The following RBM4 variants were observed in gnomAD, a reference collection of about 807,000 sequenced individuals.
RBM4 encodes the protein RNA-binding protein 4.
In RBM4, 7 loss-of-function variants were observed where a neutral mutation model predicts 29.5. That is an observed-to-expected ratio of 0.24 (90% CI 0.14 to 0.45). RBM4 has a LOEUF of 0.45. Among genes scored for constraint, RBM4 ranks in the 20% least tolerant of loss-of-function variants. The pLI is 1.00. For synonymous variants in RBM4, 220 were observed against 205.4 expected (o/e 1.07, Z -0.61); for missense variants, 387 against 502.3 (o/e 0.77, Z 2.19).
Position 66,643,442 on chromosome 11 carries a change from T to C in RBM4, c.413-8T>C. 3 of 1,596,918 alleles carry C rather than the reference T, an allele frequency of 1.9e-6. No homozygotes were observed. Among genetic ancestry groups the C allele is most frequent in the Non-Finnish European group, 2.6e-6 (3 of 1,168,416 alleles). On this transcript the variant is annotated splice_region_variant and splice_polypyrimidine_tract_variant and intron_variant, in intron 2 of 3. Coordinates refer to ENST00000310092, the MANE Select transcript of RBM4 (RefSeq NM_002896.4). This position sits in a 1 kb window ranked among gnomAD's most constrained non-coding sequence, Gnocchi z 6.1. ...GATAGCAACCCTTCTTGCGTCTGTT[T>C]CTTCAAGGCAAACGAATGCACGTGC...
chr11:66,640,987 T>C (rs1486606604), intron 2 of RBM4: 2 of 152,198 alleles, frequency 1.3e-5, no homozygotes, highest in Non-Finnish European at 2.9e-5. Context: ...GATGCTAAAA[T>C]GGTACGTAGA....
intron 2 of RBM4, chr11:66,641,211 C>A (rs2135057194): frequency 6.6e-6 from 1 of 152,286 alleles, no homozygotes. Context: ...TTCCGTGACT[C>A]CTTGCTATAT....
chr11:66,660,316 AT>A (rs1194501117), intron 2 of RBM4, among the ~76,000 whole-genome samples: 2 of 139,826 alleles, frequency 1.4e-5, no homozygotes, highest in Non-Finnish European at 3.1e-5. Context: ...TGTGGTACTT[AT>A]CACAATTTCT....
Position 66,646,259 on chromosome 11 carries a change from C to T in RBM4, c.*241C>T. ...ACTTCTGTAGCTTCCCATTCATGTT[C>T]TCTTCTCCCAGCAGGCCTCATTGTG... On this transcript the variant is annotated 3_prime_UTR_variant, in exon 4 of 4. Transcript: ENST00000310092. The T allele has an allele frequency of 1.4e-6, 2 of 1,409,374 alleles. No homozygotes were observed. The highest frequency in any genetic ancestry group is 2.6e-5 in the East Asian group (1 of 38,534). The allele number at this position is 1,409,374 out of a possible 1,614,324, so 87.3% of individuals were successfully genotyped here. A position where few individuals can be genotyped will look rare whatever the true frequency, so the allele number is the denominator to read the frequency against.
Position 66,643,627 on chromosome 11 carries a change from T to C in RBM4, c.590T>C (p.Val197Ala). 1 of 1,614,146 alleles carries C rather than the reference T, an allele frequency of 6.2e-7. No homozygotes were observed. Among genetic ancestry groups the C allele is most frequent in the Non-Finnish European group, 8.5e-7 (1 of 1,180,026 alleles). ...TEQYNEQYGA[V>A]RTPYTMSYGD... ...CAATATAATGAGCAATACGGAGCAGTGCGTACGCCTTACACCATGAGCTAT... is the reference window on the plus strand; with the variant it reads ...CAATATAATGAGCAATACGGAGCAGCGCGTACGCCTTACACCATGAGCTAT... Residue 197 changes from valine to alanine, a missense_variant, in exon 3 of 4, where the codon GTG (valine) becomes GCG (alanine). Physicochemically the swap from Val to Ala is moderately conservative, Grantham distance 64 (BLOSUM62 0). This residue lies in a region of RBM4 where 281 missense variants were observed against 288.7 expected (regional missense o/e 0.97). Coordinates refer to ENST00000310092, the MANE Select transcript of RBM4 (RefSeq NM_002896.4). The surrounding 1 kb of genome is among the most constrained non-coding windows in gnomAD (Gnocchi z 6.1).
chr11:66,662,832 C>G (rs1233847361), intron 2 of RBM4, among the ~76,000 whole-genome samples: 1 of 152,126 alleles, frequency 6.6e-6, no homozygotes, highest in Admixed American at 6.5e-5. Context: ...TAAGAAAATC[C>G]CAGCATCTTT....
intron 2 of RBM4, among the ~76,000 whole-genome samples, chr11:66,662,125 C>T (rs79569410): frequency 0.014 from 2,075 of 152,288 alleles, 51 homozygotes; most frequent in African/African-American, 0.047. Flanking sequence ...GGCTTTTTCT[C>T]CACCTATGAG....
chr11:66,651,630 G>C (rs1938834552), intron 2 of RBM4, among the ~76,000 whole-genome samples: 1 of 152,178 alleles, frequency 6.6e-6, no homozygotes, highest in Non-Finnish European at 1.5e-5. Flanking sequence ...TTACAGGCGT[G>C]AGCCACCATG....
At chr11:66,657,253 TAC>T (rs1938967392) in intron 2 of RBM4, among the ~76,000 whole-genome samples, 1 of 151,608 alleles carries the variant, frequency 6.6e-6, no homozygotes, top group Non-Finnish European at 1.5e-5. Context: ...TAGCTGGAAC[TAC>T]AGAGGTATGC....
intron 2 of RBM4, among the ~76,000 whole-genome samples, chr11:66,655,608 A>T (rs1938934668): frequency 6.6e-6 from 1 of 152,180 alleles, no homozygotes; most frequent in Non-Finnish European, 1.5e-5. Flanking sequence ...GTGAGATTTG[A>T]GCAATGAGTT....
At chr11:66,663,702 A>ATGTGTGTGTGTGTG (rs66797662) in intron 2 of RBM4, among the ~76,000 whole-genome samples, 7 of 148,410 alleles carry the variant, frequency 4.7e-5, no homozygotes, top group South Asian at 2.1e-4. Flanking sequence ...GTGTGTGTAT[A>ATGTGTGTGTGTGTG]TGTGTGTGTG....
At position 66,638,715 on chromosome 11, in the gene RBM4, C is replaced by A. The variant is rs975192828; in HGVS notation, c.-50C>A. The A allele has an allele frequency of 1.0e-4, 16 of 153,872 alleles. No individual in the cohort carries two copies. The highest frequency in any genetic ancestry group is 3.9e-4 in the African/African-American group (16 of 41,506). 9.5% of individuals were successfully genotyped at this position (153,872 alleles called of 1,614,324 possible). On this transcript the variant is annotated 5_prime_UTR_variant, in exon 1 of 4. Transcript: ENST00000310092. ...ATTTTAGCGTTTTGTCAGAAGCGTC[C>A]GCGCCGCGAGGAGGAGGCCCTGCTG...
intron 2 of RBM4, among the ~76,000 whole-genome samples, chr11:66,663,102 A>C (rs1939115525): frequency 6.6e-6 from 1 of 152,254 alleles, no homozygotes; most frequent in African/African-American, 2.4e-5. Context: ...TTTACACATC[A>C]ACATTTCCAT....
intron 2 of RBM4, chr11:66,652,490 T>C (rs936235441): frequency 1.3e-5 from 2 of 152,208 alleles, no homozygotes; most frequent in African/African-American, 4.8e-5. Flanking sequence ...AGTTGGGTTC[T>C]GGGGAAGGTG....
At position 66,643,477 on chromosome 11, in the gene RBM4, C is replaced by T; in HGVS notation, c.440C>T (p.Thr147Ile). ...QGKRMHVQLSTSRLRTAPGMG... is the reference protein window; with the variant it reads ...QGKRMHVQLSISRLRTAPGMG... Reference sequence around the variant, plus strand: ...AAACGAATGCACGTGCAGTTGTCCACCAGCCGGCTTAGGACTGCGCCCGGG... The same window carrying T: ...AAACGAATGCACGTGCAGTTGTCCATCAGCCGGCTTAGGACTGCGCCCGGG... The change falls in exon 3 of 4, where the codon ACC becomes ATC. Residue 147 changes from threonine (T) to isoleucine (I), a missense_variant. By Grantham distance (89) the Thr-to-Ile change is moderately conservative. Around this residue, in one of 2 missense-constraint regions of RBM4, gnomAD observed 106 missense variants for 213.6 expected, o/e 0.50. Coordinates refer to ENST00000310092, the MANE Select transcript of RBM4 (RefSeq NM_002896.4). The surrounding 1 kb of genome is among the most constrained non-coding windows in gnomAD (Gnocchi z 6.1). 6.2e-7 allele frequency: 1 copy of T among 1,611,732 alleles called. No homozygotes were observed. Among genetic ancestry groups the T allele is most frequent in the Non-Finnish European group, 8.5e-7 (1 of 1,178,128 alleles).
chr11:66,663,708 G>GTA (rs1939131461), intron 2 of RBM4, among the ~76,000 whole-genome samples: 1 of 150,654 alleles, frequency 6.6e-6, no homozygotes, highest in African/African-American at 2.5e-5. Flanking sequence ...GTATATGTGT[G>GTA]TGTGTGTGTG....
chr11:66,662,636 C>T (rs1054287832), intron 2 of RBM4, among the ~76,000 whole-genome samples: 3 of 152,138 alleles, frequency 2.0e-5, no homozygotes, highest in Non-Finnish European at 2.9e-5. Flanking sequence ...CTCTTGAGCT[C>T]GGGCAATCCA....
intron 2 of RBM4, among the ~76,000 whole-genome samples, chr11:66,641,991 C>T (rs991459153): frequency 5.3e-5 from 8 of 152,180 alleles, no homozygotes; most frequent in African/African-American, 9.7e-5. Context: ...CTTAGTTGCA[C>T]TTGTTTTCTC....
At chr11:66,652,003 G>A (rs1178186992) in intron 2 of RBM4, among the ~76,000 whole-genome samples, 1 of 152,166 alleles carries the variant, frequency 6.6e-6, no homozygotes, top group African/African-American at 2.4e-5. Flanking sequence ...TCAACTGTGT[G>A]TGATATTTAC....
Sources: allele counts gnomAD v4.1 joint callset (sites outside exome capture counted in the v4.1 genomes callset), GRCh38; gene constraint gnomAD v4.1.1; regional missense constraint gnomAD v4.1.1; non-coding constraint Gnocchi (gnomAD v3.1); transcripts MANE v1.5; gene names NCBI Gene and HGNC (gene_info 2026-07-23, HGNC 2026-07-21).